STARD13: variants seen among roughly 807,000 people sequenced by gnomAD.
STARD13 encodes stAR-related lipid transfer protein 13.
In STARD13, 62 loss-of-function variants were observed where a neutral mutation model predicts 106.4. The observed-to-expected ratio is 0.58, with a 90% CI of 0.48 to 0.72. The LOEUF (loss-of-function observed/expected upper bound fraction) is 0.72, where lower values mean the gene tolerates loss of function less well. Ranked by LOEUF, STARD13 falls within the 30% of genes least tolerant of loss-of-function variation. STARD13 has a pLI of 0.00. For missense variants in STARD13, 1,387 were observed against 1,424.0 expected (o/e 0.97, Z 0.42); for synonymous variants, 565 against 553.0 (o/e 1.02, Z -0.31).
chr13:33,114,304 G>A (rs1875051397), intron 8 of STARD13, among the ~76,000 whole-genome samples: 1 of 152,126 alleles, frequency 6.6e-6, no homozygotes, highest in African/African-American at 2.4e-5. Context: ...TGGTCCTGGG[G>A]GGCTATCGAT....
At chr13:33,594,031 C>A in the STARD13 span, among the ~76,000 whole-genome samples, 16 of 152,134 alleles carry the variant, frequency 1.1e-4, no homozygotes, top group African/African-American at 3.9e-4. Flanking sequence ...CTCAGCCTCC[C>A]AAGTAGCTGG....
the STARD13 span, among the ~76,000 whole-genome samples, chr13:33,440,767 ATTTTTTTTTTTTTT>A: frequency 1.7e-5 from 1 of 60,100 alleles, no homozygotes; most frequent in African/African-American, 6.8e-5. Flanking sequence ...GAAAACAGCG[ATTTTTTTTTTTTTT>A]TTTTTTTTTT....
At chr13:33,195,769 G>T (rs775002230) in intron 1 of STARD13, among the ~76,000 whole-genome samples, 2 of 152,174 alleles carry the variant, frequency 1.3e-5, no homozygotes, top group African/African-American at 4.8e-5. Context: ...AAGATCATAT[G>T]TTTCAAATCT....
chr13:33,455,657 G>C, the STARD13 span, among the ~76,000 whole-genome samples: 1 of 152,160 alleles, frequency 6.6e-6, no homozygotes, highest in Non-Finnish European at 1.5e-5. Context: ...AAAGCGGCCA[G>C]GCACGGTGGC....
chr13:33,623,542 T>C, the STARD13 span, among the ~76,000 whole-genome samples: 1 of 151,722 alleles, frequency 6.6e-6, no homozygotes. Context: ...CTTTGTCAGG[T>C]TTTGGTAATA....
chr13:33,443,459 CA>C, the STARD13 span, among the ~76,000 whole-genome samples: 139,695 of 145,200 alleles, frequency 0.96, 67,192 homozygotes, highest in East Asian at 0.99. Context: ...GTCCCCCCCC[CA>C]AAAAAAAAAC....
chr13:33,603,005 T>G, the STARD13 span, among the ~76,000 whole-genome samples: 12 of 152,168 alleles, frequency 7.9e-5, no homozygotes, highest in Admixed American at 3.3e-4. Flanking sequence ...ATCCTTCTGG[T>G]CTTAAAGCTT....
chr13:33,272,051 C>T (rs1379301140), intron 1 of STARD13, among the ~76,000 whole-genome samples: 2 of 152,040 alleles, frequency 1.3e-5, no homozygotes, highest in East Asian at 3.9e-4. Context: ...GTTTATTTTC[C>T]AGATGAGTAA....
intron 1 of STARD13, among the ~76,000 whole-genome samples, chr13:33,235,453 A>T (rs927190163): frequency 1.3e-5 from 2 of 152,194 alleles, no homozygotes; most frequent in Non-Finnish European, 2.9e-5. Flanking sequence ...TTATTAAGTA[A>T]TTGTGGTTAT....
At chr13:33,320,255 C>G (rs142297381) in intron 1 of STARD13, among the ~76,000 whole-genome samples, 1 of 152,306 alleles carries the variant, frequency 6.6e-6, no homozygotes, top group East Asian at 1.9e-4. Flanking sequence ...AGAGTTGGAA[C>G]TATTGAGTGA....
chr13:33,465,134 T>C, the STARD13 span, among the ~76,000 whole-genome samples: 8 of 152,050 alleles, frequency 5.3e-5, no homozygotes, highest in African/African-American at 1.7e-4. Flanking sequence ...GCTATTTTGC[T>C]ATTTTCTTTC....
At chr13:33,368,755 G>A in the STARD13 span, among the ~76,000 whole-genome samples, 1 of 152,128 alleles carries the variant, frequency 6.6e-6, no homozygotes, top group African/African-American at 2.4e-5. Flanking sequence ...GCGGATATGA[G>A]GCAGGCCAAC....
intron 7 of STARD13, among the ~76,000 whole-genome samples, chr13:33,125,422 C>T (rs368753815): frequency 8.6e-5 from 13 of 151,944 alleles, no homozygotes; most frequent in Admixed American, 4.6e-4. Context: ...AAGTACAGGA[C>T]GGACAGCACT....
intron 1 of STARD13, among the ~76,000 whole-genome samples, chr13:33,313,299 G>A (rs1048785078): frequency 2.0e-5 from 3 of 152,170 alleles, no homozygotes; most frequent in Non-Finnish European, 4.4e-5. Flanking sequence ...ATTAATGCTT[G>A]CTTTATTAAT....
chr13:33,621,826 C>T, the STARD13 span, among the ~76,000 whole-genome samples: 50 of 148,898 alleles, frequency 3.4e-4, no homozygotes, highest in Non-Finnish European at 4.9e-4. Flanking sequence ...TTTTTTTGGA[C>T]GAAGTCTCGC....
intron 11 of STARD13, 146 bp downstream of exon 11, chr13:33,110,540 G>T: frequency 1.5e-6 from 1 of 682,950 alleles, no homozygotes; most frequent in South Asian, 1.8e-5. Flanking sequence ...TCTCTGGACT[G>T]AGTTCTTTGA....
chr13:33,529,584 G>A, the STARD13 span, among the ~76,000 whole-genome samples: 1 of 152,016 alleles, frequency 6.6e-6, no homozygotes, highest in South Asian at 2.1e-4. Context: ...TTTTCCTCAA[G>A]ACCTCTAAAC....
rs1429567603 is a variant in STARD13, at chr13:33,106,742, G to A, written c.3224+16C>T. The A allele has an allele frequency of 2.5e-6, 4 of 1,588,366 alleles. No homozygotes were observed. The highest frequency in any genetic ancestry group is 2.6e-6 in the Non-Finnish European group (3 of 1,163,690). ...TCCCAAGATCTGAGCCTGCCATTAA[G>A]GGAGTCAGCACTTACTTCAGGTCTA... On this transcript the variant is annotated intron_variant, in intron 13 of 13. Coordinates refer to ENST00000336934, the MANE Select transcript of STARD13 (RefSeq NM_178006.4).
chr13:33,167,614 C>T lies in STARD13; in HGVS notation c.178G>A (p.Ala60Thr). Residue 60 changes from alanine to threonine, a missense_variant, in exon 2 of 14, where the codon GCA becomes ACA. Transcript: ENST00000336934. ...CGGAGCCAGTCACATGCTTCTTTTGCCTCAATTTCTGAAAAACACAAGAGA... is the reference window on the plus strand; with the variant it reads ...CGGAGCCAGTCACATGCTTCTTTTGTCTCAATTTCTGAAAAACACAAGAGA... ...LVTKIQQEIE[A>T]KEACDWLRAA... 6.2e-7 allele frequency: 1 copy of T among 1,614,104 alleles called. No individual in the cohort carries two copies. The highest frequency in any genetic ancestry group is 8.5e-7 in the Non-Finnish European group (1 of 1,179,990).
Sources: gnomAD v4.1 joint callset for allele counts (sites outside exome capture counted in the v4.1 genomes callset) on GRCh38, gnomAD v4.1.1 for gene constraint, MANE v1.5 for transcripts, NCBI Gene and HGNC (gene_info 2026-07-23, HGNC 2026-07-21) for gene names.